CDK6: variants seen among roughly 807,000 people sequenced by gnomAD.
CDK6 encodes the protein cyclin dependent kinase 6, also known as cyclin-dependent kinase 6.
A neutral mutation model predicts 37.1 loss-of-function variants in CDK6; 6 were observed. That is an observed-to-expected ratio of 0.16 (90% CI 0.09 to 0.32). The LOEUF (loss-of-function observed/expected upper bound fraction) is 0.32. Among genes scored for constraint, CDK6 ranks in the 10% least tolerant of loss-of-function variants. The pLI is 1.00. For synonymous variants in CDK6, 160 were observed against 161.3 expected (o/e 0.99, Z 0.06); for missense variants, 224 against 418.9 (o/e 0.53, Z 4.06).
intron 2 of CDK6, among the ~76,000 whole-genome samples, chr7:92,794,556 C>A (rs1213543337): frequency 1.3e-5 from 2 of 152,198 alleles, no homozygotes; most frequent in South Asian, 4.1e-4. Context: ...GCTGTTACTG[C>A]TGCCTAGAAA....
chr7:92,640,976 A>G (rs1238083512), intron 5 of CDK6, among the ~76,000 whole-genome samples: 1 of 152,230 alleles, frequency 6.6e-6, no homozygotes, highest in Non-Finnish European at 1.5e-5. Flanking sequence ...ATACAAATAA[A>G]TAAGATCCAG....
rs1795482516 is a variant in CDK6 at position 92,608,482 on chromosome 7, C to A, written c.*6658G>T. ...TTTCCAGGCATATCTTTCACCATCACATATATAGAATGATGGAAAATAAAA... is the reference window on the plus strand; with the variant it reads ...TTTCCAGGCATATCTTTCACCATCAAATATATAGAATGATGGAAAATAAAA... On this transcript the variant is annotated 3_prime_UTR_variant, in exon 8 of 8. Transcript: ENST00000424848. 8.7e-6 allele frequency: 2 copies of A among 230,332 alleles called. No individual in the cohort carries two copies. Among genetic ancestry groups the A allele is most frequent in the Admixed American group, 1.1e-4 (2 of 17,654 alleles). The allele number at this position is 230,332 out of a possible 1,614,324, so 14.3% of individuals were successfully genotyped here. A position where few individuals can be genotyped will look rare whatever the true frequency, so the allele number is the denominator to read the frequency against.
At chr7:92,714,983 A>AT (rs1798192421) in intron 4 of CDK6, among the ~76,000 whole-genome samples, 2 of 152,110 alleles carry the variant, frequency 1.3e-5, no homozygotes, top group African/African-American at 4.8e-5. Flanking sequence ...ACTGAAGCAT[A>AT]TTTTCCCACA....
At chr7:92,800,854 G>A (rs1021929339) in intron 2 of CDK6, among the ~76,000 whole-genome samples, 22 of 152,188 alleles carry the variant, frequency 1.4e-4, no homozygotes, top group Non-Finnish European at 4.4e-5. Flanking sequence ...AATGGACTCT[G>A]AGGAAACCTA....
rs35953301 is a variant in CDK6, at chr7:92,688,581, T to TCACACACACA, written c.538-17056_538-17047dup. On this transcript the variant is annotated intron_variant, in intron 4 of 7. Transcript: ENST00000424848. ...TTGAGGTGTATAGACTACATATACA[T>TCACACACACA]CACACACACACACACACACACACAC... is the stretch of plus-strand genomic sequence containing the variant. 9.0e-3 allele frequency among the ~76,000 whole-genome samples: 1,151 copies of TCACACACACA among 127,548 alleles called. 13 individuals carry two copies. Among genetic ancestry groups the TCACACACACA allele is most frequent in the Middle Eastern group, 0.02 (5 of 246 alleles). 83.7% of individuals were successfully genotyped at this position (127,548 alleles called of 152,430 possible).
Position 92,789,436 on chromosome 7 carries a change from A to C in CDK6, c.234-14605T>G, listed in dbSNP as rs531391678. 2.0e-5 allele frequency among the ~76,000 whole-genome samples: 3 copies of C among 152,370 alleles called. No individual in the cohort carries two copies. The East Asian group carries it at 5.8e-4, about 29-fold the overall frequency. ...AATATGATTTAAAAAACAAATGCAT[A>C]GGACAGTAATTATAAGTCTACGTTA... On this transcript the variant is annotated intron_variant, in intron 2 of 7. Coordinates refer to ENST00000424848, the MANE Select transcript of CDK6 (RefSeq NM_001145306.2).
chr7:92,614,325 G>A lies in CDK6; in HGVS notation c.*815C>T. 1 of 232,386 alleles carries A rather than the reference G, an allele frequency of 4.3e-6. No individual in the cohort carries two copies. 14.4% of individuals were successfully genotyped at this position (232,386 alleles called of 1,614,324 possible). Reference sequence around the variant, plus strand: ...TATAGCAAGTAATAAAAAGCTTACAGGCTATTTTCCAAAAGAAATGATAAA... The same window carrying A: ...TATAGCAAGTAATAAAAAGCTTACAAGCTATTTTCCAAAAGAAATGATAAA... On this transcript the variant is annotated 3_prime_UTR_variant, in exon 8 of 8. Transcript: ENST00000424848.
At chr7:92,658,641 G>A (rs138860956) in intron 5 of CDK6, among the ~76,000 whole-genome samples, 4 of 152,104 alleles carry the variant, frequency 2.6e-5, no homozygotes, top group Non-Finnish European at 5.9e-5. Context: ...AGTATATCGA[G>A]GGGACTATCT....
At chr7:92,640,438 C>T (rs761664056) in intron 5 of CDK6, among the ~76,000 whole-genome samples, 5 of 152,152 alleles carry the variant, frequency 3.3e-5, no homozygotes, top group African/African-American at 9.7e-5. Flanking sequence ...GCACATTATA[C>T]GGTATATGAC....
At chr7:92,814,684 A>G (rs1800979654) in intron 2 of CDK6, among the ~76,000 whole-genome samples, 1 of 152,092 alleles carries the variant, frequency 6.6e-6, no homozygotes, top group South Asian at 2.1e-4. Context: ...AGTAAAAGAA[A>G]TAAACCCATA....
chr7:92,721,789 T>C (rs564579441), intron 4 of CDK6, among the ~76,000 whole-genome samples: 3 of 152,340 alleles, frequency 2.0e-5, no homozygotes, highest in African/African-American at 7.2e-5. Flanking sequence ...AAGGCCAACA[T>C]ATGAAGTATA....
chr7:92,615,388 C>G, intron 7 of CDK6, 102 bp from the exon 8 acceptor site: 1 of 906,180 alleles, frequency 1.1e-6, no homozygotes, highest in Non-Finnish European at 1.7e-6. Flanking sequence ...TTAAGCGCAT[C>G]TACAGTGGGA....
chr7:92,787,979 T>C (rs576819199), intron 2 of CDK6, among the ~76,000 whole-genome samples: 1 of 152,256 alleles, frequency 6.6e-6, no homozygotes, highest in African/African-American at 2.4e-5. Flanking sequence ...AATTATTGTG[T>C]TGAGAACTAA....
rs1347548887 is a variant in CDK6 at position 92,759,325 on chromosome 7, C to T, written c.369+15371G>A. Among the ~76,000 whole-genome samples, 3 of 152,088 alleles carry T rather than the reference C, an allele frequency of 2.0e-5. 1 individual carries two copies. The highest frequency in any genetic ancestry group is 4.4e-5 in the Non-Finnish European group (3 of 67,988). ...GTTATTTTGGCTGGAGGCAAAAAAG[C>T]TTAGTGGTTTCTGTCTTAGTGAAAT... is the stretch of plus-strand genomic sequence containing the variant. On this transcript the variant is annotated intron_variant, in intron 3 of 7. Transcript: ENST00000424848.
intron 4 of CDK6, among the ~76,000 whole-genome samples, chr7:92,683,585 C>T (rs1797383147): frequency 6.6e-6 from 1 of 152,204 alleles, no homozygotes; most frequent in African/African-American, 2.4e-5. Context: ...AGTACGCTCT[C>T]CTCCTCAAAC....
At chr7:92,681,527 GT>G (rs1797336166) in intron 4 of CDK6, among the ~76,000 whole-genome samples, 1 of 152,178 alleles carries the variant, frequency 6.6e-6, no homozygotes, top group African/African-American at 2.4e-5. Flanking sequence ...AAGCCTTTAG[GT>G]CAAAGTAAGC....
chr7:92,718,589 CA>C (rs771647780), intron 4 of CDK6, among the ~76,000 whole-genome samples: 6 of 152,122 alleles, frequency 3.9e-5, no homozygotes, highest in Non-Finnish European at 5.9e-5. Context: ...TGAGTTATTC[CA>C]AACACACACA....
chr7:92,621,812 G>C (rs1179384206), intron 6 of CDK6, among the ~76,000 whole-genome samples: 1 of 152,060 alleles, frequency 6.6e-6, no homozygotes, highest in Non-Finnish European at 1.5e-5. Context: ...GAAGCCCCCA[G>C]GCATAAAAAA....
At chr7:92,740,922 G>A (rs1028113865) in intron 3 of CDK6, among the ~76,000 whole-genome samples, 3 of 152,134 alleles carry the variant, frequency 2.0e-5, no homozygotes, top group Non-Finnish European at 4.4e-5. Flanking sequence ...CAGGCACTAA[G>A]TATGAAAGGA....
Sources: gnomAD v4.1 joint callset for allele counts (sites outside exome capture counted in the v4.1 genomes callset) on GRCh38, gnomAD v4.1.1 for gene constraint, MANE v1.5 for transcripts, NCBI Gene and HGNC (gene_info 2026-07-23, HGNC 2026-07-21) for gene names.